The following KLF12 variants were observed in gnomAD, a reference collection of about 807,000 sequenced individuals.
KLF12 encodes KLF transcription factor 12.
A neutral mutation model predicts 37.8 loss-of-function variants in KLF12; 9 were observed. That is an observed-to-expected ratio of 0.24 (90% CI 0.14 to 0.42). KLF12 has a LOEUF of 0.42. Among genes scored for constraint, KLF12 ranks in the 10% least tolerant of loss-of-function variants. KLF12 has a pLI of 1.00. For synonymous variants in KLF12, 208 were observed against 202.1 expected (o/e 1.03, Z -0.25); for missense variants, 411 against 516.0 (o/e 0.80, Z 1.97).
intron 7 of KLF12, among the ~76,000 whole-genome samples, chr13:73,697,088 AACACAC>A (rs10679066): frequency 4.0e-5 from 6 of 149,660 alleles, no homozygotes; most frequent in South Asian, 2.1e-4. Context: ...ATACAACTGC[AACACAC>A]ACACACACAC....
At chr13:74,107,980 T>G (rs568379816) in intron 1 of KLF12, among the ~76,000 whole-genome samples, 15 of 152,336 alleles carry the variant, frequency 9.8e-5, no homozygotes, top group African/African-American at 3.6e-4. Flanking sequence ...ACTGTACATA[T>G]GGTCCTTTAA....
chr13:74,274,784 G>T, the KLF12 span, among the ~76,000 whole-genome samples: 1 of 150,492 alleles, frequency 6.6e-6, no homozygotes, highest in Admixed American at 6.6e-5. Flanking sequence ...TTTACCCATT[G>T]TTACATTGTT....
intron 6 of KLF12, among the ~76,000 whole-genome samples, chr13:73,725,395 G>A (rs1050237835): frequency 2.0e-5 from 3 of 151,984 alleles, no homozygotes; most frequent in African/African-American, 7.3e-5. Flanking sequence ...CCATCACGCC[G>A]GGCCAGTAAT....
intron 3 of KLF12, among the ~76,000 whole-genome samples, chr13:73,886,641 GAA>G (rs920098497): frequency 6.6e-6 from 1 of 151,806 alleles, no homozygotes; most frequent in African/African-American, 2.4e-5. Flanking sequence ...TTGATGAAAA[GAA>G]AAAAGACAGG....
intron 3 of KLF12, among the ~76,000 whole-genome samples, chr13:73,925,554 C>A (rs1270051052): frequency 2.0e-5 from 3 of 152,130 alleles, no homozygotes; most frequent in Non-Finnish European, 4.4e-5. Flanking sequence ...CAGAGGTGTA[C>A]AAGGAGATTA....
the KLF12 span, among the ~76,000 whole-genome samples, chr13:74,151,399 C>T: frequency 1.3e-5 from 2 of 152,084 alleles, no homozygotes; most frequent in East Asian, 1.9e-4. Flanking sequence ...ACCTGTGATC[C>T]GAGCACTTAG....
intron 5 of KLF12, among the ~76,000 whole-genome samples, chr13:73,806,248 C>T: frequency 6.6e-6 from 1 of 151,930 alleles, no homozygotes; most frequent in Non-Finnish European, 1.5e-5. Flanking sequence ...GGATTACAGG[C>T]ACCTGCCACC....
chr13:74,280,122 T>C, the KLF12 span, among the ~76,000 whole-genome samples: 1 of 152,232 alleles, frequency 6.6e-6, no homozygotes, highest in East Asian at 1.9e-4. Flanking sequence ...AGCATATTAA[T>C]AATTGTTATC....
chr13:73,778,361 T>A (rs559340962), intron 5 of KLF12, among the ~76,000 whole-genome samples: 32 of 152,130 alleles, frequency 2.1e-4, no homozygotes, highest in African/African-American at 7.2e-4. Flanking sequence ...TTTTTTGTTT[T>A]TCTTGAGTCA....
At chr13:73,831,028 A>ACG (rs34914331) in intron 4 of KLF12, among the ~76,000 whole-genome samples, 26,374 of 147,634 alleles carry the variant, frequency 0.18, 2,555 homozygotes, top group East Asian at 0.36. Context: ...ACACACACGC[A>ACG]TACTTATTTT....
chr13:74,302,053 G>A, the KLF12 span, among the ~76,000 whole-genome samples: 1 of 152,246 alleles, frequency 6.6e-6, no homozygotes, highest in East Asian at 1.9e-4. Context: ...GATGTTTTTG[G>A]TTTGGGGTTT....
chr13:73,790,745 C>T (rs1239815362), intron 5 of KLF12, among the ~76,000 whole-genome samples: 1 of 152,212 alleles, frequency 6.6e-6, no homozygotes, highest in African/African-American at 2.4e-5. Flanking sequence ...TCCCTCCTTA[C>T]AGTCTAATGG....
rs550320930 is a variant in KLF12 at position 74,024,319 on chromosome 13, T to C, written c.-31-29266A>G. 2.6e-5 allele frequency among the ~76,000 whole-genome samples: 4 copies of C among 152,336 alleles called. No homozygotes were observed. The South Asian group carries it at 8.3e-4, about 32-fold the overall frequency. On this transcript the variant is annotated intron_variant, in intron 1 of 7. Coordinates refer to ENST00000377669, the MANE Select transcript of KLF12 (RefSeq NM_007249.5). ...ATGCTCTAACAAATATCCAACAAAA[T>C]AGTAAATTCTCCATGGCTTACCAGC...
At chr13:73,697,863 G>C (rs1273009967) in intron 7 of KLF12, among the ~76,000 whole-genome samples, 2 of 152,156 alleles carry the variant, frequency 1.3e-5, no homozygotes, top group Non-Finnish European at 2.9e-5. Flanking sequence ...CATGAGATTA[G>C]ATAAACTGGC....
At chr13:74,001,276 C>G (rs1391417841) in intron 1 of KLF12, among the ~76,000 whole-genome samples, 1 of 152,186 alleles carries the variant, frequency 6.6e-6, no homozygotes. Flanking sequence ...TGCCCATTTA[C>G]CCAGTAATCT....
chr13:73,742,458 A>AT (rs1878067100), intron 6 of KLF12, among the ~76,000 whole-genome samples: 1 of 152,188 alleles, frequency 6.6e-6, no homozygotes. Flanking sequence ...ACAATATTTA[A>AT]CAGTTATAGA....
At chr13:74,204,387 T>C in the KLF12 span, among the ~76,000 whole-genome samples, 3 of 152,148 alleles carry the variant, frequency 2.0e-5, no homozygotes, top group Admixed American at 1.3e-4. Context: ...GATGTAACCA[T>C]CACCCCAATA....
chr13:74,126,532 C>T (rs767489016), intron 1 of KLF12, among the ~76,000 whole-genome samples: 3 of 152,158 alleles, frequency 2.0e-5, no homozygotes, highest in Admixed American at 6.5e-5. Flanking sequence ...ACTTTCAGCA[C>T]ATCTAATGAT....
the KLF12 span, among the ~76,000 whole-genome samples, chr13:74,142,568 T>C: frequency 2.0e-5 from 3 of 152,308 alleles, no homozygotes; most frequent in South Asian, 6.2e-4. Flanking sequence ...CTGTAAGCTC[T>C]ACAAGGCTTG....
Sources: allele counts gnomAD v4.1 joint callset (sites outside exome capture counted in the v4.1 genomes callset), GRCh38; gene constraint gnomAD v4.1.1; transcripts MANE v1.5; gene names NCBI Gene and HGNC (gene_info 2026-07-23, HGNC 2026-07-21).